MCPH1: variants seen among roughly 807,000 people sequenced by gnomAD.
The protein encoded by MCPH1 is microcephalin.
In MCPH1, 104 loss-of-function variants were observed where a neutral mutation model predicts 84.5. The ratio of observed to expected loss-of-function variants is 1.23; its 90% CI spans 1.05 to 1.45. The LOEUF (loss-of-function observed/expected upper bound fraction) is 1.45. Ranked by LOEUF, MCPH1 falls within the 40% of genes most tolerant of loss-of-function variation. The probability of loss-of-function intolerance (pLI) is 0.00; values close to 1 mark genes in which losing one functional copy is unlikely to be tolerated. For missense variants in MCPH1, 1,498 were observed against 1,005.7 expected (o/e 1.49, Z -6.62); for synonymous variants, 514 against 366.8 (o/e 1.40, Z -4.58).
At chr8:6,496,141 C>T (rs922656274) in intron 11 of MCPH1, among the ~76,000 whole-genome samples, 3 of 152,018 alleles carry the variant, frequency 2.0e-5, no homozygotes, top group Non-Finnish European at 2.9e-5. Flanking sequence ...TCAGTGGGAG[C>T]CCTGAGCTTG....
At chr8:6,607,415 C>T (rs1279317371) in intron 12 of MCPH1, among the ~76,000 whole-genome samples, 1 of 152,206 alleles carries the variant, frequency 6.6e-6, no homozygotes, top group Non-Finnish European at 1.5e-5. Flanking sequence ...CTTGTGATAA[C>T]TCCTGAGTCA....
chr8:6,434,526 C>G lies in MCPH1; in HGVS notation c.322-1522C>G, dbSNP rs557138999. Among the ~76,000 whole-genome samples the G allele has an allele frequency of 7.9e-5, 12 of 152,322 alleles. No homozygotes were observed. The South Asian group carries it at 2.5e-3, about 32-fold the overall frequency. On this transcript the variant is annotated intron_variant, in intron 4 of 13. Transcript: ENST00000344683. ...TGAAATGAACCTCCCAAGACACATA[C>G]AATTTACTTATTTATTATGTTTATT...
chr8:6,477,569 G>C (rs751560426), intron 9 of MCPH1, 25 bp from the exon 10 acceptor site: 4 of 1,606,270 alleles, frequency 2.5e-6, no homozygotes, highest in Non-Finnish European at 8.5e-7. Context: ...ACTGTTTTTT[G>C]TTCCTTCTTG....
intron 12 of MCPH1, among the ~76,000 whole-genome samples, chr8:6,603,998 T>G (rs1400518148): frequency 1.3e-5 from 1 of 77,642 alleles, no homozygotes; most frequent in Non-Finnish European, 2.6e-5. Flanking sequence ...TTTATTCACT[T>G]TGACTTTTTT....
At chr8:6,627,009 C>T (rs2246801) in intron 13 of MCPH1, 262,852 of 982,868 alleles carry the variant, frequency 0.27, 36,044 homozygotes, top group Non-Finnish European at 0.28. Context: ...GTTTAGCCTC[C>T]GCCTGATTTT....
intron 7 of MCPH1, among the ~76,000 whole-genome samples, chr8:6,443,865 G>A (rs538878162): frequency 3.9e-5 from 6 of 152,290 alleles, no homozygotes; most frequent in African/African-American, 1.4e-4. Context: ...ATTACTCTCA[G>A]GAAATGAGTA....
intron 12 of MCPH1, among the ~76,000 whole-genome samples, chr8:6,553,725 G>A (rs777601656): frequency 5.3e-5 from 8 of 150,724 alleles, no homozygotes; most frequent in Non-Finnish European, 8.8e-5. Context: ...TGGGGCCTAC[G>A]AGGCCCCTCA....
In MCPH1 at chr8:6,648,153, G is replaced by C. The variant is rs1397138005; in HGVS notation, c.*5104G>C. The C allele has an allele frequency of 2.0e-5, 3 of 152,186 alleles. No homozygotes were observed. Among genetic ancestry groups the C allele is most frequent in the Non-Finnish European group, 2.9e-5 (2 of 68,058 alleles). 9.4% of individuals were successfully genotyped at this position (152,186 alleles called of 1,614,324 possible). A position where few individuals can be genotyped will look rare whatever the true frequency, so the allele number is the denominator to read the frequency against. ...ATACGTGGGCACAGAAAGGCACAGG[G>C]CATGGCTGATTCAGCCCAACATGAG... On this transcript the variant is annotated 3_prime_UTR_variant, in exon 14 of 14. Coordinates refer to ENST00000344683, the MANE Select transcript of MCPH1 (RefSeq NM_024596.5).
chr8:6,421,941 T>G (rs1330237296), intron 3 of MCPH1, among the ~76,000 whole-genome samples: 1 of 152,252 alleles, frequency 6.6e-6, no homozygotes, highest in East Asian at 1.9e-4. Flanking sequence ...TTCCTGATTC[T>G]AAACCCAGTT....
chr8:6,520,814 C>T (rs1355990162), intron 12 of MCPH1, among the ~76,000 whole-genome samples: 1 of 152,194 alleles, frequency 6.6e-6, no homozygotes, highest in Non-Finnish European at 1.5e-5. Flanking sequence ...TGTATTATCT[C>T]ATTTAATCTT....
rs185419405 is a variant in MCPH1, at chr8:6,604,566, G to A, written c.2215-16888G>A. Reference sequence around the variant, plus strand: ...ATCGCCCAGGCTGGAGTGCAGTGGCGCAAACTCGGCTCACTGCAATCTCTG... The same window carrying A: ...ATCGCCCAGGCTGGAGTGCAGTGGCACAAACTCGGCTCACTGCAATCTCTG... On this transcript the variant is annotated intron_variant, in intron 12 of 13. Coordinates refer to ENST00000344683, the MANE Select transcript of MCPH1 (RefSeq NM_024596.5). Among the ~76,000 whole-genome samples, 32 of 152,334 alleles carry A rather than the reference G, an allele frequency of 2.1e-4. No homozygotes were observed. In the South Asian group the frequency reaches 5.4e-3, roughly 26 times the overall value.
At chr8:6,534,018 C>G (rs1820032592) in intron 12 of MCPH1, among the ~76,000 whole-genome samples, 1 of 152,074 alleles carries the variant, frequency 6.6e-6, no homozygotes, top group African/African-American at 2.4e-5. Flanking sequence ...GCCATCGACT[C>G]TGCCCCACTT....
chr8:6,408,257 C>T (rs1462043794), intron 1 of MCPH1, among the ~76,000 whole-genome samples: 1 of 152,234 alleles, frequency 6.6e-6, no homozygotes, highest in African/African-American at 2.4e-5. Context: ...GAGACAGAGT[C>T]TTACTCTCTT....
intron 11 of MCPH1, among the ~76,000 whole-genome samples, chr8:6,488,070 C>G (rs1403634218): frequency 6.6e-6 from 1 of 152,200 alleles, no homozygotes; most frequent in Non-Finnish European, 1.5e-5. Context: ...ACATAGAACC[C>G]ACAGAGTTTG....
intron 12 of MCPH1, among the ~76,000 whole-genome samples, chr8:6,591,464 A>T (rs1307562288): frequency 1.3e-5 from 2 of 152,032 alleles, no homozygotes; most frequent in Non-Finnish European, 2.9e-5. Context: ...CATGGAAATC[A>T]CCCCATGTGT....
chr8:6,417,791 G>A (rs934388280), intron 3 of MCPH1, among the ~76,000 whole-genome samples: 1 of 152,014 alleles, frequency 6.6e-6, no homozygotes, highest in Non-Finnish European at 1.5e-5. Context: ...TTTGAGGTTG[G>A]TATCTGTTTT....
At position 6,409,268 on chromosome 8, in the gene MCPH1, C is replaced by G. The variant is rs369749696; in HGVS notation, c.23-11C>G. 1.1e-5 allele frequency: 17 copies of G among 1,602,144 alleles called. No individual in the cohort carries two copies. In the African/African-American group the frequency reaches 2.1e-4, roughly 20 times the overall value. On this transcript the variant is annotated splice_polypyrimidine_tract_variant and intron_variant, in intron 1 of 13. Transcript: ENST00000344683. ...TCAAATGTATGTTTCATGTTCATAT[C>G]TTGTTTTCAGATGTAGTGGCCTATG...
At chr8:6,544,941 T>C (rs1563101213) in intron 12 of MCPH1, among the ~76,000 whole-genome samples, 1 of 152,196 alleles carries the variant, frequency 6.6e-6, no homozygotes, top group Non-Finnish European at 1.5e-5. Flanking sequence ...ATGGAATTAT[T>C]ATTTTGATTT....
At chr8:6,622,755 G>C (rs765355203) in intron 13 of MCPH1, among the ~76,000 whole-genome samples, 1 of 152,118 alleles carries the variant, frequency 6.6e-6, no homozygotes, top group African/African-American at 2.4e-5. Context: ...CACATCCCTG[G>C]TATCTCTGTG....
Sources: allele counts gnomAD v4.1 joint callset (sites outside exome capture counted in the v4.1 genomes callset), GRCh38; gene constraint gnomAD v4.1.1; transcripts MANE v1.5; gene names NCBI Gene and HGNC (gene_info 2026-07-23, HGNC 2026-07-21).